Variants in RANBP2 observed in about 807,000 individuals in gnomAD.
RANBP2 encodes RAN binding protein 2.
A neutral mutation model predicts 303.6 loss-of-function variants in RANBP2; 57 were observed. The observed-to-expected ratio is 0.19, with a 90% CI of 0.15 to 0.23. The LOEUF is 0.23. RANBP2 is among the 10% of genes least tolerant of loss of function. The pLI is 1.00. For synonymous variants in RANBP2, 1,167 were observed against 1,301.5 expected, an observed-to-expected ratio of 0.90 and a Z score of 2.23; for missense variants, 3,138 against 3,780.8, an observed-to-expected ratio of 0.83 and a Z score of 4.46.
At chr2:109,574,793 AC>A in the RANBP2 span, 2 of 1,505,244 alleles carry the variant, frequency 1.3e-6, no homozygotes, top group Non-Finnish European at 1.8e-6. Flanking sequence ...AATGTTTAAT[AC>A]AACATTATTT....
At chr2:109,326,045 G>C in the RANBP2 span, among the ~76,000 whole-genome samples, 2 of 152,246 alleles carry the variant, frequency 1.3e-5, no homozygotes, top group African/African-American at 4.8e-5. Flanking sequence ...TGGAGACCTA[G>C]AGGCCCTCCA....
chr2:109,017,685 G>A, the RANBP2 span, among the ~76,000 whole-genome samples: 1 of 152,226 alleles, frequency 6.6e-6, no homozygotes, highest in African/African-American at 2.4e-5. Flanking sequence ...TCATGTATGA[G>A]GTCAGTGGAT....
chr2:109,488,155 C>T, the RANBP2 span, among the ~76,000 whole-genome samples: 5 of 152,206 alleles, frequency 3.3e-5, no homozygotes, highest in South Asian at 4.1e-4. Context: ...CTTCTGTCCC[C>T]GCATCCTGGC....
downstream of RANBP2, among the ~76,000 whole-genome samples, chr2:108,789,201 T>C (rs1471445237): frequency 6.6e-6 from 1 of 152,182 alleles, no homozygotes; most frequent in Non-Finnish European, 1.5e-5. Context: ...GGAAAGTTAT[T>C]TATATAATGT....
chr2:109,556,346 A>G, the RANBP2 span, among the ~76,000 whole-genome samples: 1 of 152,212 alleles, frequency 6.6e-6, no homozygotes, highest in East Asian at 1.9e-4. Flanking sequence ...AAAATAAATC[A>G]ATTTCAAAAT....
downstream of RANBP2, among the ~76,000 whole-genome samples, chr2:108,790,662 C>G (rs1205235194): frequency 6.6e-6 from 1 of 152,216 alleles, no homozygotes. Flanking sequence ...GATCGCGCCA[C>G]TGCACTGCAA....
the RANBP2 span, among the ~76,000 whole-genome samples, chr2:109,063,468 G>A: frequency 6.9e-4 from 105 of 152,316 alleles, no homozygotes; most frequent in Admixed American, 1.2e-3. Flanking sequence ...ACGAGCGCAT[G>A]GAGGATGAAT....
chr2:109,367,909 C>T, the RANBP2 span, among the ~76,000 whole-genome samples: 1 of 152,198 alleles, frequency 6.6e-6, no homozygotes, highest in Non-Finnish European at 1.5e-5. Flanking sequence ...ATTTATATCC[C>T]CACCAAAAAT....
the RANBP2 span, among the ~76,000 whole-genome samples, chr2:109,036,709 A>T: frequency 6.6e-6 from 1 of 152,178 alleles, no homozygotes; most frequent in Non-Finnish European, 1.5e-5. Flanking sequence ...GAGAAAGAGC[A>T]TCTATTTAAA....
chr2:109,723,027 C>A, the RANBP2 span, among the ~76,000 whole-genome samples: 1 of 152,292 alleles, frequency 6.6e-6, no homozygotes, highest in African/African-American at 2.4e-5. Flanking sequence ...GCTTCTAGAT[C>A]TTTGAGGAAT....
the RANBP2 span, among the ~76,000 whole-genome samples, chr2:109,212,579 G>A: frequency 6.6e-6 from 1 of 152,204 alleles, no homozygotes; most frequent in African/African-American, 2.4e-5. Flanking sequence ...TTGAGGAGAA[G>A]TCGGCTGACC....
the RANBP2 span, among the ~76,000 whole-genome samples, chr2:109,354,771 G>A: frequency 6.6e-6 from 1 of 152,250 alleles, no homozygotes; most frequent in African/African-American, 2.4e-5. Context: ...GCGCATCTGT[G>A]TCTGTGGCTT....
At chr2:109,068,009 T>G in the RANBP2 span, among the ~76,000 whole-genome samples, 1 of 152,168 alleles carries the variant, frequency 6.6e-6, no homozygotes, top group Non-Finnish European at 1.5e-5. Context: ...GGAATGCACA[T>G]CCCCACACAC....
chr2:109,451,196 G>A, the RANBP2 span, among the ~76,000 whole-genome samples: 1 of 152,240 alleles, frequency 6.6e-6, no homozygotes. Flanking sequence ...CTAACAGGGC[G>A]CCTGGCATGA....
the RANBP2 span, among the ~76,000 whole-genome samples, chr2:109,051,778 T>G: frequency 6.6e-6 from 1 of 151,664 alleles, no homozygotes; most frequent in Non-Finnish European, 1.5e-5. Flanking sequence ...AGACAGAGTC[T>G]CGCTCTGTCG....
the RANBP2 span, among the ~76,000 whole-genome samples, chr2:108,879,328 G>T: frequency 6.6e-6 from 1 of 152,250 alleles, no homozygotes. Context: ...GCAAGTCCAG[G>T]TGTTTTACAA....
At chr2:108,914,387 T>C in the RANBP2 span, among the ~76,000 whole-genome samples, 2 of 152,276 alleles carry the variant, frequency 1.3e-5, no homozygotes, top group South Asian at 4.2e-4. Flanking sequence ...CTGCCTAGGA[T>C]TTTTCCTCAG....
At chr2:109,721,504 G>A in the RANBP2 span, among the ~76,000 whole-genome samples, 1 of 152,078 alleles carries the variant, frequency 6.6e-6, no homozygotes, top group African/African-American at 2.4e-5. Flanking sequence ...GCTGGAATTC[G>A]CTCAGAAGGT....
the RANBP2 span, chr2:109,585,051 CAT>C: frequency 1.3e-6 from 1 of 773,228 alleles, no homozygotes; most frequent in South Asian, 3.0e-5. Flanking sequence ...AAAATCAAAT[CAT>C]AGTTCATGGG....
Sources: gnomAD v4.1 joint callset for allele counts (sites outside exome capture counted in the v4.1 genomes callset) on GRCh38, gnomAD v4.1.1 for gene constraint, MANE v1.5 for transcripts, NCBI Gene and HGNC (gene_info 2026-07-23, HGNC 2026-07-21) for gene names.